The following ZNF804B variants were observed in gnomAD, a reference collection of about 807,000 sequenced individuals.
ZNF804B encodes the protein zinc finger 804B.
A neutral mutation model predicts 101.4 loss-of-function variants in ZNF804B; 80 were observed. That is an observed-to-expected ratio of 0.79 (90% CI 0.66 to 0.95). ZNF804B has a LOEUF of 0.95. Among genes scored for constraint, ZNF804B ranks in the 40% least tolerant of loss-of-function variants. ZNF804B has a pLI of 0.00. For missense variants in ZNF804B, 1,673 were observed against 1,561.9 expected (o/e 1.07, Z -1.20); for synonymous variants, 622 against 558.8 (o/e 1.11, Z -1.59).
intron 1 of ZNF804B, among the ~76,000 whole-genome samples, chr7:89,165,866 A>AC (rs1458837437): frequency 6.6e-6 from 1 of 152,162 alleles, no homozygotes; most frequent in African/African-American, 2.4e-5. Context: ...GAGTTTCTAA[A>AC]CAGAATCACT....
intron 1 of ZNF804B, among the ~76,000 whole-genome samples, chr7:88,854,007 A>C (rs920305819): frequency 2.0e-5 from 3 of 152,206 alleles, no homozygotes; most frequent in African/African-American, 7.2e-5. Flanking sequence ...TTTCAAGTAC[A>C]TAGTTAATAA....
chr7:89,017,400 TC>T (rs1788585842), intron 1 of ZNF804B, among the ~76,000 whole-genome samples: 1 of 152,236 alleles, frequency 6.6e-6, no homozygotes, highest in South Asian at 2.1e-4. Context: ...AGAGAGGGCA[TC>T]CCTGTCTTGT....
chr7:89,173,235 C>G (rs1791265703), intron 1 of ZNF804B, among the ~76,000 whole-genome samples: 1 of 152,000 alleles, frequency 6.6e-6, no homozygotes, highest in African/African-American at 2.4e-5. Flanking sequence ...TATAATCCAG[C>G]CTACACCATT....
chr7:89,031,763 T>G (rs892365529), intron 1 of ZNF804B, among the ~76,000 whole-genome samples: 3 of 151,846 alleles, frequency 2.0e-5, no homozygotes, highest in African/African-American at 7.2e-5. Context: ...ACTGAGACAC[T>G]CTCTTAAAAT....
chr7:89,325,554 T>C (rs2115978466), intron 2 of ZNF804B, among the ~76,000 whole-genome samples: 1 of 152,140 alleles, frequency 6.6e-6, no homozygotes, highest in Non-Finnish European at 1.5e-5. Flanking sequence ...CAATACAGAA[T>C]TCTCAATCAT....
chr7:88,824,836 C>T (rs563345373), intron 1 of ZNF804B, among the ~76,000 whole-genome samples: 115 of 152,190 alleles, frequency 7.6e-4, no homozygotes, highest in Middle Eastern at 6.8e-3. Flanking sequence ...CAAAATAATA[C>T]GATCAAAGAC....
chr7:89,312,108 C>T (rs184043120), intron 2 of ZNF804B, among the ~76,000 whole-genome samples: 32 of 152,286 alleles, frequency 2.1e-4, no homozygotes, highest in African/African-American at 7.0e-4. Context: ...CCTTCAACAC[C>T]TTACCATATG....
intron 1 of ZNF804B, among the ~76,000 whole-genome samples, chr7:88,787,090 G>A (rs2115674029): frequency 6.6e-6 from 1 of 152,168 alleles, no homozygotes; most frequent in South Asian, 2.1e-4. Context: ...AGAGAAGTGA[G>A]GAAGGGTGAT....
chr7:89,098,531 C>T (rs988827858), intron 1 of ZNF804B, among the ~76,000 whole-genome samples: 1 of 152,076 alleles, frequency 6.6e-6, no homozygotes, highest in Non-Finnish European at 1.5e-5. Flanking sequence ...TTCAGCCTCC[C>T]AAAGTGCTGG....
chr7:88,845,942 GA>G (rs1006120338), intron 1 of ZNF804B, among the ~76,000 whole-genome samples: 24 of 151,902 alleles, frequency 1.6e-4, no homozygotes, highest in African/African-American at 4.3e-4. Context: ...TGGAAAAGAG[GA>G]AAAAAAGGAA....
At chr7:88,921,885 G>A (rs1054414880) in intron 1 of ZNF804B, among the ~76,000 whole-genome samples, 1 of 151,948 alleles carries the variant, frequency 6.6e-6, no homozygotes, top group Non-Finnish European at 1.5e-5. Flanking sequence ...ATTGATTGGG[G>A]TTAATTTCTA....
intron 1 of ZNF804B, among the ~76,000 whole-genome samples, chr7:88,935,050 T>TAC (rs1358126001): frequency 1.3e-4 from 20 of 151,060 alleles, no homozygotes; most frequent in South Asian, 2.1e-4. Context: ...TATATATATA[T>TAC]ACACACACAC....
chr7:89,297,855 G>A (rs1433689297), intron 2 of ZNF804B, among the ~76,000 whole-genome samples: 1 of 151,064 alleles, frequency 6.6e-6, no homozygotes, highest in Non-Finnish European at 1.5e-5. Context: ...TTCCAAAGTT[G>A]GGAAATTTAG....
rs1278822649 is a variant in ZNF804B at position 88,836,475 on chromosome 7, A to G, written c.108+76391A>G. Among the ~76,000 whole-genome samples, 3 of 152,018 alleles carry G rather than the reference A, an allele frequency of 2.0e-5. No homozygotes were observed. In the South Asian group the frequency reaches 6.2e-4, roughly 31 times the overall value. The stretch of plus-strand genomic sequence containing the variant: ...ATCACTTGGTAGTCAAGCAAGAACA[A>G]CAATAACATTTACATTCAGATAGAG... On this transcript the variant is annotated intron_variant, in intron 1 of 3. Coordinates refer to ENST00000333190, the MANE Select transcript of ZNF804B (RefSeq NM_181646.5).
chr7:89,157,427 A>G (rs1331996104), intron 1 of ZNF804B, among the ~76,000 whole-genome samples: 1 of 152,152 alleles, frequency 6.6e-6, no homozygotes, highest in Non-Finnish European at 1.5e-5. Flanking sequence ...ATGTACTAGG[A>G]CACATCTTTG....
At chr7:89,320,343 T>A (rs1292482720) in intron 2 of ZNF804B, among the ~76,000 whole-genome samples, 1 of 151,652 alleles carries the variant, frequency 6.6e-6, no homozygotes, top group African/African-American at 2.4e-5. Context: ...AAAGAATAAA[T>A]AAAAATGCTA....
At chr7:89,248,226 A>C (rs1018008812) in intron 2 of ZNF804B, among the ~76,000 whole-genome samples, 5 of 152,174 alleles carry the variant, frequency 3.3e-5, no homozygotes, top group Non-Finnish European at 7.4e-5. Context: ...CTTGCTACAC[A>C]GTAGACAGCA....
At chr7:88,782,618 C>T (rs778190148) in intron 1 of ZNF804B, among the ~76,000 whole-genome samples, 13 of 152,150 alleles carry the variant, frequency 8.5e-5, no homozygotes, top group Admixed American at 3.3e-4. Context: ...TTTGATGCTT[C>T]TTGTAGAAAC....
At chr7:89,256,746 G>A (rs779972755) in intron 2 of ZNF804B, among the ~76,000 whole-genome samples, 1 of 152,050 alleles carries the variant, frequency 6.6e-6, no homozygotes, top group Non-Finnish European at 1.5e-5. Flanking sequence ...GCTCATAGGT[G>A]GAAAAATTAC....
Sources: allele counts gnomAD v4.1 joint callset (sites outside exome capture counted in the v4.1 genomes callset), GRCh38; gene constraint gnomAD v4.1.1; transcripts MANE v1.5; gene names NCBI Gene and HGNC (gene_info 2026-07-23, HGNC 2026-07-21).